MTFR1: variants seen among roughly 807,000 people sequenced by gnomAD.
The protein encoded by MTFR1 is mitochondrial fission regulator 1, also known as chondrocyte protein with a poly-proline region.
A neutral mutation model predicts 38.8 loss-of-function variants in MTFR1; 28 were observed. The observed-to-expected ratio is 0.72, with a 90% CI of 0.53 to 0.99. The LOEUF (loss-of-function observed/expected upper bound fraction) is 0.99. Among genes scored for constraint, MTFR1 ranks in the 50% least tolerant of loss-of-function variants. MTFR1 has a pLI of 0.00. For missense variants in MTFR1, 358 were observed against 395.5 expected, an observed-to-expected ratio of 0.91 and a Z score of 0.81; for synonymous variants, 145 against 137.0, an observed-to-expected ratio of 1.06 and a Z score of -0.41.
downstream of MTFR1, chr8:65,714,639 T>C (rs967417164): frequency 6.6e-6 from 1 of 152,334 alleles, no homozygotes; most frequent in African/African-American, 2.4e-5. Context: ...CTATTAGCTA[T>C]TGGTCACTGT....
intron 3 of MTFR1, among the ~76,000 whole-genome samples, chr8:65,750,144 A>G (rs1807865717): frequency 6.6e-6 from 1 of 152,226 alleles, no homozygotes; most frequent in African/African-American, 2.4e-5. Context: ...CCCATTTAGT[A>G]ATCATTACCA....
downstream of MTFR1, among the ~76,000 whole-genome samples, chr8:65,713,333 C>T (rs1342934601): frequency 4.0e-5 from 6 of 151,710 alleles, no homozygotes; most frequent in African/African-American, 9.7e-5. Context: ...CCCAACTACT[C>T]GGGAGGCTGA....
intron 3 of MTFR1, chr8:65,723,390 T>C: frequency 1.4e-6 from 1 of 704,590 alleles, no homozygotes; most frequent in Non-Finnish European, 2.0e-6. Flanking sequence ...AGAAGAGCCA[T>C]AACAAGGGAA....
chr8:65,747,235 GCTGGGTTTAC>G (rs1807713448), intron 3 of MTFR1, among the ~76,000 whole-genome samples: 2 of 152,136 alleles, frequency 1.3e-5, no homozygotes, highest in African/African-American at 4.8e-5. Flanking sequence ...AACTTTCTGT[GCTGGGTTTAC>G]CTCTAACCAG....
intron 2 of MTFR1, among the ~76,000 whole-genome samples, chr8:65,681,782 C>T (rs1804903340): frequency 6.6e-6 from 1 of 151,008 alleles, no homozygotes. Flanking sequence ...AATTTCTTAC[C>T]TTTCCTTTGG....
intron 3 of MTFR1, among the ~76,000 whole-genome samples, chr8:65,761,928 C>T (rs1036676404): frequency 6.6e-6 from 1 of 152,146 alleles, no homozygotes; most frequent in African/African-American, 2.4e-5. Context: ...TCACCCAAAT[C>T]GCATGTTTTC....
chr8:65,656,587 C>T (rs530823249), intron 1 of MTFR1, among the ~76,000 whole-genome samples: 2 of 151,208 alleles, frequency 1.3e-5, no homozygotes, highest in African/African-American at 2.4e-5. Context: ...CTGCAACCCC[C>T]GCCTACCAGA....
intron 1 of MTFR1, among the ~76,000 whole-genome samples, chr8:65,664,084 A>G (rs77642895): frequency 0.011 from 1,654 of 152,204 alleles, 50 homozygotes; most frequent in East Asian, 0.087. Context: ...CCAAAGTGTC[A>G]GGATTACAGG....
intron 3 of MTFR1, among the ~76,000 whole-genome samples, chr8:65,748,941 C>T (rs887119919): frequency 6.6e-6 from 1 of 152,202 alleles, no homozygotes; most frequent in Admixed American, 6.5e-5. Flanking sequence ...GCTCATCTTG[C>T]TCTAAATAAA....
intron 3 of MTFR1, chr8:65,719,824 G>A (rs1052287501): frequency 3.6e-5 from 11 of 306,198 alleles, no homozygotes; most frequent in South Asian, 7.4e-5. Context: ...GAGGATACTC[G>A]GGCATAGCCC....
chr8:65,766,934 T>C (rs1332054593), intron 3 of MTFR1, among the ~76,000 whole-genome samples: 1 of 152,138 alleles, frequency 6.6e-6, no homozygotes, highest in Non-Finnish European at 1.5e-5. Flanking sequence ...TCTCAATGGG[T>C]CTTGGAAAAG....
chr8:65,767,480 T>C (rs1314958068), intron 3 of MTFR1, among the ~76,000 whole-genome samples: 2 of 152,180 alleles, frequency 1.3e-5, no homozygotes, highest in Non-Finnish European at 2.9e-5. Context: ...TATTAAAACG[T>C]TGGGTGTGTT....
chr8:65,701,683 G>A (rs1421376571), intron 4 of MTFR1, among the ~76,000 whole-genome samples: 1 of 152,212 alleles, frequency 6.6e-6, no homozygotes, highest in Non-Finnish European at 1.5e-5. Context: ...GTGAGACTGA[G>A]GTGATGATAT....
At chr8:65,761,956 A>G (rs141011216) in intron 3 of MTFR1, among the ~76,000 whole-genome samples, 129 of 152,284 alleles carry the variant, frequency 8.5e-4, no homozygotes, top group African/African-American at 3.0e-3. Flanking sequence ...CGATGTCACA[A>G]AAGAGGCCTT....
Position 65,707,072 on chromosome 8 carries a change from C to G in MTFR1, c.580C>G (p.Leu194Val). 6.2e-7 allele frequency: 1 copy of G among 1,613,044 alleles called. No homozygotes were observed. Residue 194 changes from leucine to valine, a missense_variant, in exon 6 of 8, where the codon CTG becomes GTG. Leu to Val is a conservative substitution (Grantham distance 32). Transcript: ENST00000262146. ...PPHPPPPPPP[L>V]PPPALGLHQS... ...ACACCCTCCACCTCCCCCACCGCCC[C>G]TGCCTCCCCCTGCACTGGGGCTCCA...
intron 1 of MTFR1, among the ~76,000 whole-genome samples, chr8:65,665,748 T>G (rs1804363433): frequency 6.6e-6 from 1 of 152,246 alleles, no homozygotes; most frequent in Non-Finnish European, 1.5e-5. Context: ...CTCAGCTTCC[T>G]GAGTAACTGG....
At chr8:65,761,063 T>A (rs1808468473) in intron 3 of MTFR1, among the ~76,000 whole-genome samples, 1 of 152,106 alleles carries the variant, frequency 6.6e-6, no homozygotes, top group African/African-American at 2.4e-5. Context: ...TATTGTTTTT[T>A]CTTTTTTTTT....
At chr8:65,707,680 A>G (rs1277483387) in intron 6 of MTFR1, among the ~76,000 whole-genome samples, 163 bp from the exon 7 acceptor site, 1 of 152,228 alleles carries the variant, frequency 6.6e-6, no homozygotes, top group African/African-American at 2.4e-5. Flanking sequence ...TTTGTTGAGC[A>G]TTAGCTCTAG....
chr8:65,742,884 T>C (rs775853405), intron 3 of MTFR1, among the ~76,000 whole-genome samples: 1 of 152,242 alleles, frequency 6.6e-6, no homozygotes, highest in Non-Finnish European at 1.5e-5. Flanking sequence ...TTAGCCACCC[T>C]GTCCACAAAT....
Sources: gnomAD v4.1 joint callset for allele counts (sites outside exome capture counted in the v4.1 genomes callset) on GRCh38, gnomAD v4.1.1 for gene constraint, MANE v1.5 for transcripts, NCBI Gene and HGNC (gene_info 2026-07-23, HGNC 2026-07-21) for gene names.